The following NTM variants were observed in gnomAD, a reference collection of about 807,000 sequenced individuals.
The protein encoded by NTM is neurotrimin.
In NTM, 13 loss-of-function variants were observed where a neutral mutation model predicts 42.1. That is an observed-to-expected ratio of 0.31 (90% CI 0.20 to 0.49). NTM has a LOEUF of 0.49. Among genes scored for constraint, NTM ranks in the 20% least tolerant of loss-of-function variants. NTM has a pLI of 0.99. For synonymous variants in NTM, 187 were observed against 179.2 expected (o/e 1.04, Z -0.35); for missense variants, 373 against 452.8 (o/e 0.82, Z 1.60).
chr11:132,168,527 C>A (rs1300890037), intron 3 of NTM, among the ~76,000 whole-genome samples: 1 of 152,198 alleles, frequency 6.6e-6, no homozygotes, highest in Non-Finnish European at 1.5e-5. Flanking sequence ...GCCTGGCCTC[C>A]AATCCATCCT....
intron 1 of NTM, among the ~76,000 whole-genome samples, chr11:131,857,679 C>T (rs1300077324): frequency 6.6e-6 from 1 of 152,194 alleles, no homozygotes; most frequent in Non-Finnish European, 1.5e-5. Context: ...CCCTCACCCT[C>T]ACTAAATGAC....
At chr11:131,437,469 T>C in intron 1 of NTM, among the ~76,000 whole-genome samples, 1 of 152,232 alleles carries the variant, frequency 6.6e-6, no homozygotes, top group Non-Finnish European at 1.5e-5. Context: ...TGAGTGCTCC[T>C]GTGTTGGGTG....
At chr11:132,104,937 G>GTGTGTATATA (rs1169190929) in intron 2 of NTM, among the ~76,000 whole-genome samples, 32 of 61,810 alleles carry the variant, frequency 5.2e-4, no homozygotes, top group African/African-American at 9.1e-4. Flanking sequence ...ATATACATAT[G>GTGTGTATATA]TATATATATA....
chr11:131,888,747 G>C (rs978682370), intron 1 of NTM, among the ~76,000 whole-genome samples: 1 of 152,144 alleles, frequency 6.6e-6, no homozygotes, highest in Non-Finnish European at 1.5e-5. Flanking sequence ...TCCACAGGGG[G>C]TAAAGGGAGC....
intron 2 of NTM, among the ~76,000 whole-genome samples, chr11:131,950,580 C>T (rs11222848): frequency 0.049 from 7,447 of 152,224 alleles, 265 homozygotes; most frequent in Middle Eastern, 0.089. Flanking sequence ...AGAGTCTGGT[C>T]AAATCTTGAC....
intron 1 of NTM, among the ~76,000 whole-genome samples, chr11:131,449,783 G>C (rs1334509340): frequency 6.6e-6 from 1 of 152,170 alleles, no homozygotes. Flanking sequence ...TGGAAGCCCA[G>C]CTCATGTCCC....
intron 2 of NTM, among the ~76,000 whole-genome samples, chr11:132,092,617 G>T (rs1452968968): frequency 6.6e-6 from 1 of 152,148 alleles, no homozygotes; most frequent in Non-Finnish European, 1.5e-5. Flanking sequence ...AGGTTCCAGT[G>T]CCAGCTATAT....
chr11:131,992,861 G>T (rs1565901420), intron 2 of NTM, among the ~76,000 whole-genome samples: 1 of 151,990 alleles, frequency 6.6e-6, no homozygotes, highest in Non-Finnish European at 1.5e-5. Context: ...TGGTTGCATT[G>T]GAAATACCCA....
chr11:132,236,007 CACACACACACACACAA>C (rs1342101185), intron 4 of NTM, among the ~76,000 whole-genome samples: 8 of 144,834 alleles, frequency 5.5e-5, no homozygotes, highest in Non-Finnish European at 9.2e-5. Flanking sequence ...CACACACACA[CACACACACACACACAA>C]CAAAATTGTA....
intron 2 of NTM, among the ~76,000 whole-genome samples, chr11:131,976,116 ATTCCTTCCTTCCTTCCTTCC>A (rs373955090): frequency 2.3e-4 from 29 of 123,770 alleles, no homozygotes; most frequent in African/African-American, 8.8e-4. Flanking sequence ...TCCCTCCCTC[ATTCCTTCCTTCCTTCCTTCC>A]TTCCTTCCTT....
intron 1 of NTM, among the ~76,000 whole-genome samples, chr11:131,610,012 G>T (rs2061342450): frequency 6.6e-6 from 1 of 152,136 alleles, no homozygotes; most frequent in African/African-American, 2.4e-5. Context: ...GCACAGTTCT[G>T]GCAAAATCAC....
At chr11:132,137,186 A>T (rs1161726209) in intron 2 of NTM, among the ~76,000 whole-genome samples, 1 of 152,246 alleles carries the variant, frequency 6.6e-6, no homozygotes, top group African/African-American at 2.4e-5. Flanking sequence ...GGACTGAATG[A>T]AGCCCCATTT....
chr11:131,521,877 T>C (rs927495659), intron 1 of NTM, among the ~76,000 whole-genome samples: 1 of 152,176 alleles, frequency 6.6e-6, no homozygotes, highest in African/African-American at 2.4e-5. Flanking sequence ...TCCTCTCTAC[T>C]ATCTGCTTCC....
chr11:131,869,712 A>G (rs928121439), intron 1 of NTM, among the ~76,000 whole-genome samples: 1 of 149,626 alleles, frequency 6.7e-6, no homozygotes, highest in Admixed American at 6.6e-5. Flanking sequence ...TCTCAGGCCC[A>G]GGTGCCACTG....
At chr11:132,091,720 AGTC>A (rs1241476030) in intron 2 of NTM, among the ~76,000 whole-genome samples, 3 of 152,020 alleles carry the variant, frequency 2.0e-5, no homozygotes, top group Admixed American at 6.6e-5. Flanking sequence ...GGGCTCAAGC[AGTC>A]CTCCTGCCTC....
chr11:132,281,909 T>G (rs1486178175), intron 4 of NTM, among the ~76,000 whole-genome samples: 1 of 152,238 alleles, frequency 6.6e-6, no homozygotes, highest in African/African-American at 2.4e-5. Flanking sequence ...ATAACATAGA[T>G]AAAATTTATT....
chr11:132,039,125 C>G (rs925154996), intron 2 of NTM, among the ~76,000 whole-genome samples: 12 of 152,180 alleles, frequency 7.9e-5, no homozygotes, highest in African/African-American at 2.9e-4. Context: ...AGGCCCGGCC[C>G]TTTGGGCTTT....
chr11:131,382,116 T>C (rs1375865976), intron 1 of NTM, among the ~76,000 whole-genome samples: 2 of 152,208 alleles, frequency 1.3e-5, no homozygotes, highest in African/African-American at 2.4e-5. Flanking sequence ...CCAGATTCTG[T>C]TATGACATAT....
chr11:131,411,540 CGT>C (rs5795724), intron 1 of NTM, among the ~76,000 whole-genome samples: 31,530 of 129,440 alleles, frequency 0.24, 3,879 homozygotes, highest in Non-Finnish European at 0.26. Context: ...TAGGGGGGGC[CGT>C]GTGTGTGTGT....
Sources: gnomAD v4.1 joint callset for allele counts (sites outside exome capture counted in the v4.1 genomes callset) on GRCh38, gnomAD v4.1.1 for gene constraint, MANE v1.5 for transcripts, NCBI Gene and HGNC (gene_info 2026-07-23, HGNC 2026-07-21) for gene names.